DNAH10: variants seen among roughly 807,000 people sequenced by gnomAD.
The protein encoded by DNAH10 is dynein axonemal heavy chain 10, also known as axonemal beta dynein heavy chain 10.
Under a neutral mutation model 506.6 loss-of-function variants are expected in DNAH10, and 348 were observed. The ratio of observed to expected loss-of-function variants is 0.69; its 90% CI spans 0.63 to 0.75. The LOEUF (loss-of-function observed/expected upper bound fraction) is 0.75, where lower values mean the gene tolerates loss of function less well. Among genes scored for constraint, DNAH10 ranks in the 30% least tolerant of loss-of-function variants. DNAH10 has a pLI of 0.00. For missense variants in DNAH10, 5,179 were observed against 5,787.1 expected (o/e 0.89, Z 3.41); for synonymous variants, 2,059 against 2,198.6 (o/e 0.94, Z 1.78).
intron 21 of DNAH10, among the ~76,000 whole-genome samples, chr12:123,815,280 A>G (rs1452971944): frequency 3.3e-5 from 5 of 151,978 alleles, no homozygotes; most frequent in Non-Finnish European, 1.5e-5. Flanking sequence ...GGTACTTGGT[A>G]TTTTTAGATG....
Position 123,789,928 on chromosome 12 carries a change from T to C in DNAH10, c.1622T>C (p.Ile541Thr), listed in dbSNP as rs756977997. The C allele has an allele frequency of 6.2e-7, 1 of 1,610,544 alleles. No individual in the cohort carries two copies. Among genetic ancestry groups the C allele is most frequent in the East Asian group, 2.2e-5 (1 of 44,794 alleles). ...ICQDLSDVLQILEEFYNIFGP... is the reference protein window; with the variant it reads ...ICQDLSDVLQTLEEFYNIFGP... ...TCATTGTTCCGTTTGATTGGACAGA[T>C]TTTGGAGGAATTTTATAACATATTT... Residue 541 changes from isoleucine (I) to threonine (T), a missense_variant and splice_region_variant, in exon 11 of 79, where the codon ATT (isoleucine) becomes ACT (threonine). Physicochemically the swap from Ile to Thr is moderately conservative, Grantham distance 89. This residue lies in a region of DNAH10 where 4,844 missense variants were observed against 5,430.5 expected (regional missense o/e 0.89). Transcript: ENST00000673944.
chr12:123,835,127 C>T (rs1960998516), intron 27 of DNAH10, among the ~76,000 whole-genome samples: 2 of 152,212 alleles, frequency 1.3e-5, no homozygotes, highest in African/African-American at 4.8e-5. Context: ...ACAGGCTTCA[C>T]CCTCTTCTCA....
rs1034186925 is a variant in DNAH10, at chr12:123,881,715, A to G, written c.8725A>G (p.Ile2909Val). Reference sequence around the variant, plus strand: ...GGAGCATTTAACCCGGGTGCACCGTATCATCCGCATGGACCGCGGCCACGC... The same window carrying G: ...GGAGCATTTAACCCGGGTGCACCGTGTCATCCGCATGGACCGCGGCCACGC... ...ALEHLTRVHR[I>V]IRMDRGHALL... The change falls in exon 51 of 79, where the codon ATC becomes GTC. Residue 2909 changes from isoleucine to valine, a missense_variant. Physicochemically the swap from Ile to Val is conservative, Grantham distance 29 (BLOSUM62 3). Coordinates refer to ENST00000673944, the MANE Select transcript of DNAH10 (RefSeq NM_001372106.1). 23 of 1,549,712 alleles carry G rather than the reference A, an allele frequency of 1.5e-5. No individual in the cohort carries two copies. Among genetic ancestry groups the G allele is most frequent in the Non-Finnish European group, 5.2e-6 (6 of 1,146,372 alleles).
In DNAH10 at chr12:123,841,448, G is replaced by A. The variant is rs369082437; in HGVS notation, c.5263G>A (p.Val1755Met). Residue 1755 changes from valine (V) to methionine (M), a missense_variant, in exon 30 of 79, where the codon GTG (valine) becomes ATG (methionine). This residue lies in a region of DNAH10 where 4,844 missense variants were observed against 5,430.5 expected (regional missense o/e 0.89). Transcript: ENST00000673944. ...GAAGATCTTGCGGGCTGAAGGGCGCGTGGAGGACTGGATGACGGCAGTTTT... is the reference window on the plus strand; with the variant it reads ...GAAGATCTTGCGGGCTGAAGGGCGCATGGAGGACTGGATGACGGCAGTTTT... Reference protein sequence around the residue: ...FRKILRAEGRVEDWMTAVLNE... With the variant: ...FRKILRAEGRMEDWMTAVLNE... The A allele has an allele frequency of 3.3e-5, 53 of 1,613,890 alleles. No individual in the cohort carries two copies. Among genetic ancestry groups the A allele is most frequent in the Middle Eastern group, 1.6e-4 (1 of 6,084 alleles).
At position 123,917,419 on chromosome 12, in the gene DNAH10, G is replaced by A. The variant is rs144708377; in HGVS notation, c.11003-165G>A. On this transcript the variant is annotated intron_variant, in intron 63 of 78. Coordinates refer to ENST00000673944, the MANE Select transcript of DNAH10 (RefSeq NM_001372106.1). This position sits in a 1 kb window ranked among gnomAD's most constrained non-coding sequence, Gnocchi z 5.6. ...ACCACAGCATCGCTGTTTTGCTCCT[G>A]CCTGCCACCTTGCTGCTCTAGAGTG... Among the ~76,000 whole-genome samples, 270 of 152,348 alleles carry A rather than the reference G, an allele frequency of 1.8e-3. 1 individual carries two copies. The highest frequency in any genetic ancestry group is 6.8e-3 in the Middle Eastern group (2 of 294).
intron 54 of DNAH10, among the ~76,000 whole-genome samples, chr12:123,896,988 TA>T (rs1414601294): frequency 1.3e-5 from 2 of 152,210 alleles, no homozygotes; most frequent in Non-Finnish European, 2.9e-5. Flanking sequence ...CCATACCCGT[TA>T]AACACGAACT....
In DNAH10 at chr12:123,762,384, T is replaced by A; in HGVS notation, c.48T>A (p.Ala16=). 1 of 1,386,044 alleles carries A rather than the reference T, an allele frequency of 7.2e-7. No homozygotes were observed. The highest frequency in any genetic ancestry group is 9.4e-7 in the Non-Finnish European group (1 of 1,066,354). The allele number at this position is 1,386,044 out of a possible 1,614,324, so 85.9% of individuals were successfully genotyped here. The change falls in exon 1 of 79, where the codon GCT becomes GCA. Residue 16 remains alanine (A), a synonymous_variant. Coordinates refer to ENST00000673944, the MANE Select transcript of DNAH10 (RefSeq NM_001372106.1). The surrounding 1 kb of genome is among the most constrained non-coding windows in gnomAD (Gnocchi z 5.0). The part of the protein sequence containing the change: ...VLWMRDRVYA[A]FGITDPQLFE... ...GGATGCGCGACCGCGTGTATGCGGC[T>A]TTCGGCATCACCGACCCCCAGCTTT...
At chr12:123,930,237 G>C (rs751357876) in intron 72 of DNAH10, 165 bp from the exon 73 acceptor site, 11 of 621,800 alleles carry the variant, frequency 1.8e-5, no homozygotes, top group Non-Finnish European at 2.6e-5. Flanking sequence ...CAGATCAATT[G>C]TGTGAACAGT....
chr12:123,916,709 G>C lies in DNAH10; in HGVS notation c.10975G>C (p.Gly3659Arg), dbSNP rs777745235. The C allele has an allele frequency of 6.2e-7, 1 of 1,612,944 alleles. No individual in the cohort carries two copies. Residue 3659 changes from glycine (G) to arginine (R), a missense_variant, in exon 63 of 79, where the codon GGG (glycine) becomes CGG (arginine). Physicochemically the swap from Gly to Arg is moderately radical, Grantham distance 125. This residue lies in a region of DNAH10 where 4,844 missense variants were observed against 5,430.5 expected (regional missense o/e 0.89). Coordinates refer to ENST00000673944, the MANE Select transcript of DNAH10 (RefSeq NM_001372106.1). The surrounding 1 kb of genome is among the most constrained non-coding windows in gnomAD (Gnocchi z 4.6). ...ANPRYSPSVFGKAMVINYTVT... is the reference protein window; with the variant it reads ...ANPRYSPSVFRKAMVINYTVT... ...TCCCAGATATTCCCCATCCGTGTTT[G>C]GGAAAGCTATGGTGATCAATTACAC...
intron 18 of DNAH10, among the ~76,000 whole-genome samples, chr12:123,806,025 G>A (rs755664942): frequency 6.6e-6 from 1 of 152,022 alleles, no homozygotes; most frequent in Non-Finnish European, 1.5e-5. Flanking sequence ...ATCCGCCCGC[G>A]TTGGCCTCCC....
Position 123,933,519 on chromosome 12 carries a change from C to A in DNAH10, c.13477+8C>A. 6.3e-7 allele frequency: 1 copy of A among 1,585,882 alleles called. No individual in the cohort carries two copies. ...ATGAGCGGGCGGGACAAGGTACCGT[C>A]AGCTCGTTAGGGATCCACAGCCTCT... On this transcript the variant is annotated splice_region_variant and intron_variant, in intron 77 of 78. Transcript: ENST00000673944.
intron 26 of DNAH10, among the ~76,000 whole-genome samples, chr12:123,832,515 T>A (rs903379700): frequency 1.3e-5 from 2 of 148,596 alleles, no homozygotes; most frequent in Non-Finnish European, 3.0e-5. Flanking sequence ...CAATACAGAT[T>A]TTTTTTTTTT....
rs1952416303 is a variant in DNAH10 at position 123,879,685 on chromosome 12, G to C, written c.8518G>C (p.Glu2840Gln). The change falls in exon 50 of 79, where the codon GAG becomes CAG. Residue 2840 changes from glutamate to glutamine, a missense_variant. Physicochemically the swap from Glu to Gln is conservative, Grantham distance 29. Coordinates refer to ENST00000673944, the MANE Select transcript of DNAH10 (RefSeq NM_001372106.1). ...TGTGGAACATTTTAAAGATGACGTG[G>C]AGGTGGTGATGAGGGATCCCATATT... ...LVVEHFKDDV[E>Q]VVMRDPILFG... 1 of 1,613,912 alleles carries C rather than the reference G, an allele frequency of 6.2e-7. No individual in the cohort carries two copies. The highest frequency in any genetic ancestry group is 8.5e-7 in the Non-Finnish European group (1 of 1,179,896).
rs377732522 is a variant in DNAH10 at position 123,887,164 on chromosome 12, G to A, written c.8846G>A (p.Arg2949Gln). Residue 2949 changes from arginine (R) to glutamine (Q), a missense_variant, in exon 52 of 79, where the codon CGA becomes CAA. Coordinates refer to ENST00000673944, the MANE Select transcript of DNAH10 (RefSeq NM_001372106.1). ...SCEVFEILLS[R>Q]GYSENSFRED... The stretch of plus-strand genomic sequence containing the variant: ...CAGGTGTTTGAGATCCTGCTGAGCC[G>A]AGGCTACTCGGAGAACAGTTTCCGG... 28 of 1,610,756 alleles carry A rather than the reference G, an allele frequency of 1.7e-5. No individual in the cohort carries two copies. Among genetic ancestry groups the A allele is most frequent in the South Asian group, 3.3e-5 (3 of 90,244 alleles).
At position 123,801,308 on chromosome 12, in the gene DNAH10, G is replaced by A; in HGVS notation, c.2490G>A (p.Leu830=). Residue 830 remains leucine (L), a synonymous_variant, in exon 16 of 79, where the codon TTG becomes TTA. Transcript: ENST00000673944. ...ACACAGCTGGGATACAGCGCATGTT[G>A]GATCATTATCACATGCTCATAGGAA... The part of the protein sequence containing the change: ...LRYTAGIQRM[L]DHYHMLIGTL... 1.9e-6 allele frequency: 3 copies of A among 1,614,124 alleles called. No homozygotes were observed. Among genetic ancestry groups the A allele is most frequent in the Non-Finnish European group, 2.5e-6 (3 of 1,180,014 alleles).
chr12:123,891,534 T>C (rs1952981870), intron 52 of DNAH10, among the ~76,000 whole-genome samples: 1 of 151,904 alleles, frequency 6.6e-6, no homozygotes, highest in African/African-American at 2.4e-5. Flanking sequence ...AGCACTGAGT[T>C]CAGGTGGAAG....
In DNAH10 at chr12:123,875,555, G is replaced by C. The variant is rs1337827361; in HGVS notation, c.8199+64G>C. The C allele has an allele frequency of 2.5e-6, 4 of 1,595,380 alleles. No homozygotes were observed. In the African/African-American group the frequency reaches 5.4e-5, roughly 21 times the overall value. On this transcript the variant is annotated intron_variant, in intron 47 of 78. Coordinates refer to ENST00000673944, the MANE Select transcript of DNAH10 (RefSeq NM_001372106.1). ...TTGTGTTGGGGGGAAACATACACAG[G>C]GCTGACTTATCCATGTAGGCACAGC...
chr12:123,772,867 C>G lies in DNAH10; in HGVS notation c.430C>G (p.Leu144Val), dbSNP rs754870509. ...TAKHIMEKMH[L>V]HMLCTPLPEE... ...GAAGCACATCATGGAAAAGATGCAT[C>G]TCCACATGCTCTGTACCCCTCTTCC... is the stretch of plus-strand genomic sequence containing the variant. The change falls in exon 4 of 79, where the codon CTC becomes GTC. Residue 144 changes from leucine (L) to valine (V), a missense_variant. Leu to Val is a conservative substitution (Grantham distance 32). This residue lies in a region of DNAH10 where 326 missense variants were observed against 330.8 expected (regional missense o/e 0.99). Transcript: ENST00000673944. 1 of 1,608,514 alleles carries G rather than the reference C, an allele frequency of 6.2e-7. No individual in the cohort carries two copies. The highest frequency in any genetic ancestry group is 1.3e-5 in the African/African-American group (1 of 74,680).
At chr12:123,895,855 G>C (rs1953195014) in intron 54 of DNAH10, among the ~76,000 whole-genome samples, 1 of 152,088 alleles carries the variant, frequency 6.6e-6, no homozygotes, top group African/African-American at 2.4e-5. Flanking sequence ...GCTCACACCT[G>C]TAATCCCAGC....
Sources: gnomAD v4.1 joint callset for allele counts (sites outside exome capture counted in the v4.1 genomes callset) on GRCh38, gnomAD v4.1.1 for gene constraint, gnomAD v4.1.1 regional missense constraint, Gnocchi (gnomAD v3.1) non-coding constraint, MANE v1.5 for transcripts, NCBI Gene and HGNC (gene_info 2026-07-23, HGNC 2026-07-21) for gene names.